Variants in IGFBPL1 observed in about 807,000 individuals in gnomAD.
IGFBPL1 encodes the protein insulin like growth factor binding protein like 1.
IGFBPL1 carries 20 observed loss-of-function variants against 23.9 expected under a neutral mutation model. The ratio of observed to expected loss-of-function variants is 0.84; its 90% CI spans 0.59 to 1.22. The LOEUF is 1.22. Ranked by LOEUF, IGFBPL1 falls within the 50% of genes most tolerant of loss-of-function variation. IGFBPL1 has a pLI of 0.00. For synonymous variants in IGFBPL1, 184 were observed against 171.8 expected (o/e 1.07, Z -0.56); for missense variants, 436 against 379.3 (o/e 1.15, Z -1.24).
rs4878810 is a variant in IGFBPL1, at chr9:38,408,195, T to C, written c.*1032A>G. On this transcript the variant is annotated 3_prime_UTR_variant, in exon 5 of 5. Coordinates refer to ENST00000377694, the MANE Select transcript of IGFBPL1 (RefSeq NM_001007563.3). Reference sequence around the variant, plus strand: ...TTGGGAGGCCAAGGCAGGAGGATCATTTGAGCATAGGAATTTGAGACCAGC... The same window carrying C: ...TTGGGAGGCCAAGGCAGGAGGATCACTTGAGCATAGGAATTTGAGACCAGC... 0.69 allele frequency among the ~76,000 whole-genome samples: 102,274 copies of C among 147,848 alleles called. 35,438 individuals carry two copies. Among genetic ancestry groups the C allele is most frequent in the Middle Eastern group, 0.77 (220 of 286 alleles).
At chr9:38,416,375 A>C (rs1821599240) in intron 1 of IGFBPL1, among the ~76,000 whole-genome samples, 1 of 152,352 alleles carries the variant, frequency 6.6e-6, no homozygotes, top group East Asian at 1.9e-4. Flanking sequence ...ATTAAGAAAG[A>C]CTGTCTTGGA....
intron 1 of IGFBPL1, among the ~76,000 whole-genome samples, chr9:38,422,034 A>G (rs542830777): frequency 6.6e-6 from 1 of 152,312 alleles, no homozygotes; most frequent in South Asian, 2.1e-4. Context: ...GGGCTGTCAC[A>G]TTTACTTGTC....
chr9:38,411,115 C>A (rs1424094782), intron 4 of IGFBPL1, among the ~76,000 whole-genome samples: 3 of 151,900 alleles, frequency 2.0e-5, no homozygotes, highest in African/African-American at 7.3e-5. Context: ...AGGAAATATT[C>A]CCTCCAGCCC....
intron 1 of IGFBPL1, among the ~76,000 whole-genome samples, chr9:38,423,461 C>T (rs1287952830): frequency 6.6e-6 from 1 of 152,110 alleles, no homozygotes; most frequent in African/African-American, 2.4e-5. Flanking sequence ...CCTTCCCACA[C>T]CGGGGGCCCT....
chr9:38,420,319 A>C (rs540211248), intron 1 of IGFBPL1, among the ~76,000 whole-genome samples: 1 of 152,250 alleles, frequency 6.6e-6, no homozygotes, highest in Admixed American at 6.5e-5. Context: ...GCCTCAGTTC[A>C]TGCTGTGCCT....
intron 3 of IGFBPL1, 29 bp from the exon 4 acceptor site, chr9:38,411,578 G>A (rs745722034): frequency 3.7e-6 from 6 of 1,601,492 alleles, no homozygotes; most frequent in Non-Finnish European, 5.1e-6. Flanking sequence ...AGTTTATACA[G>A]TTATATAAGG....
In IGFBPL1 at chr9:38,419,027, T is replaced by G. The variant is rs142121747; in HGVS notation, c.461-4824A>C. 9.0e-3 allele frequency among the ~76,000 whole-genome samples: 1,372 copies of G among 152,240 alleles called. 4 individuals are homozygous for G. Among genetic ancestry groups the G allele is most frequent in the Middle Eastern group, 0.031 (9 of 294 alleles). ...GAGAAAATGGATGTGACTGTGTTAT[T>G]AACTGTGTGGATCTGTACAAATGAA... On this transcript the variant is annotated intron_variant, in intron 1 of 4. Transcript: ENST00000377694.
In IGFBPL1 at chr9:38,413,216, C is replaced by T. The variant is rs376771941; in HGVS notation, c.687+21G>A. 18 of 1,392,460 alleles carry T rather than the reference C, an allele frequency of 1.3e-5. No homozygotes were observed. The African/African-American group carries it at 1.6e-4, about 12-fold the overall frequency. The allele number at this position is 1,392,460 out of a possible 1,614,324, so 86.3% of individuals were successfully genotyped here. The stretch of plus-strand genomic sequence containing the variant: ...GTTTATAATGGTCAGTCAATAATAT[C>T]CAATAATCCTAAACACTCACCAAAA... On this transcript the variant is annotated intron_variant, in intron 3 of 4. Coordinates refer to ENST00000377694, the MANE Select transcript of IGFBPL1 (RefSeq NM_001007563.3).
intron 3 of IGFBPL1, 151 bp downstream of exon 3, chr9:38,413,086 G>T (rs1333392496): frequency 1.6e-6 from 1 of 615,272 alleles, no homozygotes; most frequent in Non-Finnish European, 2.9e-6. Context: ...GTTCCCAGCA[G>T]ATCTGAAACC....
At chr9:38,420,550 C>G (rs778612069) in intron 1 of IGFBPL1, among the ~76,000 whole-genome samples, 2 of 152,214 alleles carry the variant, frequency 1.3e-5, no homozygotes, top group Non-Finnish European at 2.9e-5. Flanking sequence ...AATAGCGAGG[C>G]AGGCCAGGCA....
intron 1 of IGFBPL1, among the ~76,000 whole-genome samples, chr9:38,418,779 C>T (rs946293004): frequency 1.3e-5 from 2 of 152,042 alleles, no homozygotes; most frequent in African/African-American, 4.8e-5. Context: ...TAGAATTGCA[C>T]AAATCCAACC....
intron 1 of IGFBPL1, among the ~76,000 whole-genome samples, chr9:38,422,145 T>C (rs897105599): frequency 3.3e-5 from 5 of 152,210 alleles, no homozygotes; most frequent in African/African-American, 1.2e-4. Context: ...CTTAATACTA[T>C]TAAGTCCTGT....
chr9:38,413,670 A>G (rs564161314), intron 2 of IGFBPL1, among the ~76,000 whole-genome samples: 65 of 152,314 alleles, frequency 4.3e-4, no homozygotes, highest in South Asian at 3.9e-3. Context: ...CCGGTCTCTC[A>G]AAAACTGGTC....
At chr9:38,415,529 G>C (rs556135655) in intron 1 of IGFBPL1, among the ~76,000 whole-genome samples, 26 of 152,276 alleles carry the variant, frequency 1.7e-4, no homozygotes, top group African/African-American at 6.0e-4. Flanking sequence ...ACCCTGTCAA[G>C]CCAGTGCCAA....
rs114436105 is a variant in IGFBPL1, at chr9:38,407,129, G to A, written c.*2098C>T. On this transcript the variant is annotated 3_prime_UTR_variant, in exon 5 of 5. Coordinates refer to ENST00000377694, the MANE Select transcript of IGFBPL1 (RefSeq NM_001007563.3). ...GAAGTCAGTCACAGTGCGTGGAGAA[G>A]GGAGGGGCGGGAGGGGCTGAGTGAG... Among the ~76,000 whole-genome samples, 1,944 of 152,304 alleles carry A rather than the reference G, an allele frequency of 0.013. 44 individuals are homozygous for A. Among genetic ancestry groups the A allele is most frequent in the African/African-American group, 0.044 (1,830 of 41,542 alleles).
In IGFBPL1 at chr9:38,407,786, C is replaced by G. The variant is rs147350064; in HGVS notation, c.*1441G>C. On this transcript the variant is annotated 3_prime_UTR_variant, in exon 5 of 5. Transcript: ENST00000377694. ...TTTCTTCATCTGCTAAAGGCAGGGA[C>G]ATTAACACCTGTCCTGCCCCATCTC... is the stretch of plus-strand genomic sequence containing the variant. Among the ~76,000 whole-genome samples the G allele has an allele frequency of 1.2e-4, 19 of 152,310 alleles. No homozygotes were observed. In the East Asian group the frequency reaches 3.1e-3, roughly 25 times the overall value.
intron 1 of IGFBPL1, among the ~76,000 whole-genome samples, chr9:38,416,378 G>C (rs560809770): frequency 6.6e-6 from 1 of 152,278 alleles, no homozygotes; most frequent in African/African-American, 2.4e-5. Flanking sequence ...AAGAAAGACT[G>C]TCTTGGAAAT....
In IGFBPL1 at chr9:38,414,159, C is replaced by CGGTG; in HGVS notation, c.501_504dup (p.Gly169HisfsTer10). 1 of 1,611,786 alleles carries CGGTG rather than the reference C, an allele frequency of 6.2e-7. No individual in the cohort carries two copies. The highest frequency in any genetic ancestry group is 8.5e-7 in the Non-Finnish European group (1 of 1,179,092). On this transcript the variant is annotated frameshift_variant, in exon 2 of 5. Transcript: ENST00000377694. LOFTEE classifies it high-confidence loss of function. The stretch of plus-strand genomic sequence containing the variant: ...TCACAGGACAGGCCCACCTGCGCCC[C>CGGTG]GGTGACGTTGTGAACACTTCGGGGA...
At chr9:38,411,291 C>T in intron 4 of IGFBPL1, 100 bp downstream of exon 4, 1 of 1,027,642 alleles carries the variant, frequency 9.7e-7, no homozygotes, top group Non-Finnish European at 1.4e-6. Context: ...TGGTTTCCTC[C>T]ATTTACGTAT....
Sources: gnomAD v4.1 joint callset for allele counts (sites outside exome capture counted in the v4.1 genomes callset) on GRCh38, gnomAD v4.1.1 for gene constraint, MANE v1.5 for transcripts, NCBI Gene and HGNC (gene_info 2026-07-23, HGNC 2026-07-21) for gene names.